Variants in ADGRL2 observed in about 807,000 individuals in gnomAD.
ADGRL2 encodes adhesion G protein-coupled receptor L2.
In ADGRL2, 44 loss-of-function variants were observed where a neutral mutation model predicts 157.4. The ratio of observed to expected loss-of-function variants is 0.28; its 90% CI spans 0.22 to 0.36. The LOEUF (loss-of-function observed/expected upper bound fraction) is 0.36. Among genes scored for constraint, ADGRL2 ranks in the 10% least tolerant of loss-of-function variants. ADGRL2 has a pLI of 1.00. For synonymous variants in ADGRL2, 585 were observed against 624.7 expected (o/e 0.94, Z 0.95); for missense variants, 1,510 against 1,768.9 (o/e 0.85, Z 2.63).
At chr1:81,747,635 A>T (rs2085342700) in intron 1 of ADGRL2, among the ~76,000 whole-genome samples, 1 of 151,936 alleles carries the variant, frequency 6.6e-6, no homozygotes, top group Admixed American at 6.6e-5. Context: ...TTATTTGAAA[A>T]TGATAATATA....
chr1:81,897,538 C>A (rs1388446900), intron 2 of ADGRL2, among the ~76,000 whole-genome samples: 1 of 152,162 alleles, frequency 6.6e-6, no homozygotes, highest in East Asian at 1.9e-4. Flanking sequence ...AAATTAATTT[C>A]TTTCTAGTAA....
In ADGRL2 at chr1:81,425,354, GCTAA is replaced by G. The variant is rs1279269697; in HGVS notation, c.-301-19679_-301-19676del. ...TCACTTATTTGTGTACCGTCTTGTAGCTAACTGTTACTACTACTCTGAAGTGTGG... is the reference window on the plus strand; with the variant it reads ...TCACTTATTTGTGTACCGTCTTGTAGCTGTTACTACTACTCTGAAGTGTGG... On this transcript the variant is annotated intron_variant, in intron 1 of 24. Coordinates refer to the ADGRL2 transcript ENST00000370721. 2.6e-4 allele frequency among the ~76,000 whole-genome samples: 39 copies of G among 151,844 alleles called. 1 individual carries two copies. Among genetic ancestry groups the G allele is most frequent in the Admixed American group, 6.6e-5 (1 of 15,236 alleles).
At chr1:81,720,120 A>G (rs2084251050) in intron 1 of ADGRL2, among the ~76,000 whole-genome samples, 1 of 152,040 alleles carries the variant, frequency 6.6e-6, no homozygotes, top group Middle Eastern at 3.2e-3. Flanking sequence ...CGTATTACAG[A>G]CATTTTAAAA....
At chr1:81,961,660 A>G (rs911652283) in intron 11 of ADGRL2, among the ~76,000 whole-genome samples, 4 of 151,788 alleles carry the variant, frequency 2.6e-5, no homozygotes, top group African/African-American at 9.7e-5. Context: ...GGCATGCATC[A>G]CTACGCCCAG....
intron 1 of ADGRL2, among the ~76,000 whole-genome samples, chr1:81,315,463 A>G (rs997468315): frequency 6.6e-6 from 1 of 152,176 alleles, no homozygotes; most frequent in African/African-American, 2.4e-5. Context: ...TGGTTTAGAA[A>G]TGACATAATG....
At chr1:81,354,615 C>T (rs1184168594) in intron 1 of ADGRL2, among the ~76,000 whole-genome samples, 3 of 152,112 alleles carry the variant, frequency 2.0e-5, no homozygotes, top group Admixed American at 6.6e-5. Context: ...TAAAGCCTAC[C>T]CTGACAACCC....
upstream of ADGRL2, among the ~76,000 whole-genome samples, chr1:81,698,836 A>C (rs1010325158): frequency 6.6e-6 from 1 of 152,182 alleles, no homozygotes; most frequent in Non-Finnish European, 1.5e-5. Context: ...TGCTTCTTCA[A>C]TGCCTGAATT....
chr1:81,653,961 C>T (rs2082476953), intron 3 of ADGRL2, among the ~76,000 whole-genome samples: 1 of 151,980 alleles, frequency 6.6e-6, no homozygotes, highest in African/African-American at 2.4e-5. Flanking sequence ...TTAATTGAGA[C>T]AGAGTCTCAT....
At position 81,578,863 on chromosome 1, in the gene ADGRL2, G is replaced by T. The variant is rs536552949; in HGVS notation, c.-247-2013G>T. Among the ~76,000 whole-genome samples, 23 of 152,124 alleles carry T rather than the reference G, an allele frequency of 1.5e-4. No individual in the cohort carries two copies. In the South Asian group the frequency reaches 3.3e-3, roughly 22 times the overall value. ...CCCCCCGAAGCACAAGCATAATTTG[G>T]TTTTTTTAAAAAATATGATTTACAT... On this transcript the variant is annotated intron_variant, in intron 2 of 24. Coordinates refer to the ADGRL2 transcript ENST00000370721.
At chr1:81,921,558 A>G (rs1476903453) in intron 3 of ADGRL2, among the ~76,000 whole-genome samples, 1 of 152,212 alleles carries the variant, frequency 6.6e-6, no homozygotes, top group Non-Finnish European at 1.5e-5. Flanking sequence ...GCTGCTTCAC[A>G]GCACACGGCC....
At chr1:81,406,462 C>T (rs1347374017) in intron 1 of ADGRL2, among the ~76,000 whole-genome samples, 1 of 152,086 alleles carries the variant, frequency 6.6e-6, no homozygotes, top group Non-Finnish European at 1.5e-5. Flanking sequence ...ACAGAACGTC[C>T]CAAGGAGTCT....
chr1:81,985,224 C>CA, intron 20 of ADGRL2, 35 bp from the exon 21 acceptor site: 1 of 1,284,416 alleles, frequency 7.8e-7, no homozygotes, highest in Non-Finnish European at 1.1e-6. Context: ...GGGAAACTAA[C>CA]AAAACATATT....
At chr1:81,698,610 G>C (rs944665380), upstream of ADGRL2, among the ~76,000 whole-genome samples, 5 of 152,230 alleles carry the variant, frequency 3.3e-5, no homozygotes, top group East Asian at 1.9e-4. Context: ...AGCACAGTTT[G>C]CTTGATTTAA....
intron 3 of ADGRL2, chr1:81,625,604 G>A (rs567587590): frequency 5.3e-5 from 8 of 152,246 alleles, no homozygotes; most frequent in African/African-American, 1.2e-4. Context: ...TGTCGTGAGA[G>A]TTGAGCCTCA....
intron 2 of ADGRL2, among the ~76,000 whole-genome samples, chr1:81,904,875 G>A (rs1270029342): frequency 3.3e-5 from 5 of 151,906 alleles, no homozygotes; most frequent in South Asian, 2.1e-4. Flanking sequence ...TCTCGGGGTG[G>A]GGGCAGGGGG....
At chr1:81,461,216 T>A (rs1217265189) in intron 2 of ADGRL2, among the ~76,000 whole-genome samples, 1 of 152,200 alleles carries the variant, frequency 6.6e-6, no homozygotes, top group Non-Finnish European at 1.5e-5. Flanking sequence ...GAACTAAATG[T>A]TTTTAAAGCA....
At chr1:81,448,168 A>G (rs1489957961) in intron 2 of ADGRL2, among the ~76,000 whole-genome samples, 7 of 114,556 alleles carry the variant, frequency 6.1e-5, no homozygotes, top group African/African-American at 2.1e-4. Flanking sequence ...TTTTTGAGAC[A>G]GAGTCTCGCT....
intron 3 of ADGRL2, among the ~76,000 whole-genome samples, chr1:81,933,756 C>T (rs1572210113): frequency 6.6e-6 from 1 of 151,908 alleles, no homozygotes; most frequent in South Asian, 2.1e-4. Context: ...CTGCTTGCAC[C>T]CTTTATAAAG....
At chr1:81,312,166 T>A (rs572888455) in intron 1 of ADGRL2, among the ~76,000 whole-genome samples, 1 of 152,332 alleles carries the variant, frequency 6.6e-6, no homozygotes, top group South Asian at 2.1e-4. Flanking sequence ...GAATGTAAGG[T>A]GGCTTTTAAG....
Sources: gnomAD v4.1 joint callset for allele counts (sites outside exome capture counted in the v4.1 genomes callset) on GRCh38, gnomAD v4.1.1 for gene constraint, MANE v1.5 for transcripts, NCBI Gene and HGNC (gene_info 2026-07-23, HGNC 2026-07-21) for gene names.